Variants in CRACD observed in about 807,000 individuals in gnomAD.
CRACD encodes the protein capping protein inhibiting regulator of actin dynamics.
A neutral mutation model predicts 106.8 loss-of-function variants in CRACD; 56 were observed. The observed-to-expected ratio is 0.52, with a 90% CI of 0.42 to 0.66. The LOEUF is 0.66. CRACD is among the 30% of genes least tolerant of loss of function. CRACD has a pLI of 0.00. For synonymous variants in CRACD, 754 were observed against 670.8 expected (o/e 1.12, Z -1.92); for missense variants, 1,730 against 1,623.2 (o/e 1.07, Z -1.13).
At chr4:56,103,777 G>A (rs971077017) in intron 1 of CRACD, among the ~76,000 whole-genome samples, 1 of 152,118 alleles carries the variant, frequency 6.6e-6, no homozygotes, top group Non-Finnish European at 1.5e-5. Context: ...GCCACAATTC[G>A]TTGATGTTAT....
intron 1 of CRACD, among the ~76,000 whole-genome samples, chr4:56,124,171 C>T (rs1295057345): frequency 2.0e-5 from 3 of 151,982 alleles, no homozygotes; most frequent in African/African-American, 7.2e-5. Context: ...CTCCTGACCT[C>T]AGGTAATCCA....
chr4:56,099,331 A>C (rs1256883356), intron 1 of CRACD, among the ~76,000 whole-genome samples: 1 of 152,028 alleles, frequency 6.6e-6, no homozygotes, highest in Non-Finnish European at 1.5e-5. Context: ...TATTTTTTCA[A>C]ATGAAGTTGG....
At chr4:56,165,934 T>C (rs1313620610) in intron 1 of CRACD, among the ~76,000 whole-genome samples, 2 of 152,182 alleles carry the variant, frequency 1.3e-5, no homozygotes, top group Non-Finnish European at 2.9e-5. Context: ...AATTATAGCT[T>C]ACTGTAGCCT....
At chr4:56,100,041 G>A (rs1347707223) in intron 1 of CRACD, among the ~76,000 whole-genome samples, 3 of 152,182 alleles carry the variant, frequency 2.0e-5, no homozygotes, top group Non-Finnish European at 4.4e-5. Flanking sequence ...AGGAGTTTGA[G>A]ACCAGCCTGG....
At chr4:56,306,675 G>T (rs1160700288) in intron 4 of CRACD, among the ~76,000 whole-genome samples, 1 of 152,178 alleles carries the variant, frequency 6.6e-6, no homozygotes, top group Non-Finnish European at 1.5e-5. Context: ...GCAACTTCTG[G>T]AGACATTTTT....
chr4:56,139,490 G>T (rs886096642), intron 1 of CRACD, among the ~76,000 whole-genome samples: 2 of 152,208 alleles, frequency 1.3e-5, no homozygotes, highest in Admixed American at 6.5e-5. Flanking sequence ...CTTGCAACTG[G>T]CAAGCTTAGA....
chr4:56,082,014 A>G (rs754207825), intron 1 of CRACD, among the ~76,000 whole-genome samples: 4 of 152,160 alleles, frequency 2.6e-5, no homozygotes, highest in Non-Finnish European at 5.9e-5. Flanking sequence ...AGGTGCTTAC[A>G]TTCTTTTGGG....
At chr4:56,313,960 G>A in intron 7 of CRACD, 80 bp from the exon 8 acceptor site, 1 of 1,519,384 alleles carries the variant, frequency 6.6e-7, no homozygotes, top group Non-Finnish European at 8.8e-7. Context: ...TAAGAGGGTC[G>A]CTGGCACTGT....
At chr4:56,160,111 A>G (rs1735899231) in intron 1 of CRACD, among the ~76,000 whole-genome samples, 1 of 151,862 alleles carries the variant, frequency 6.6e-6, no homozygotes, top group African/African-American at 2.4e-5. Context: ...TTTTTTTTCT[A>G]AAACTTAATG....
At chr4:56,236,402 C>T (rs777882606) in intron 2 of CRACD, among the ~76,000 whole-genome samples, 1 of 152,206 alleles carries the variant, frequency 6.6e-6, no homozygotes, top group African/African-American at 2.4e-5. Context: ...GTTTAAGCCT[C>T]CCATGTTGTG....
intron 3 of CRACD, among the ~76,000 whole-genome samples, chr4:56,297,457 G>A (rs1744118150): frequency 1.3e-5 from 2 of 152,116 alleles, no homozygotes; most frequent in South Asian, 4.1e-4. Flanking sequence ...CTGGATGTGG[G>A]AGCAGATGTC....
chr4:56,133,191 CAA>C (rs1040621313), intron 1 of CRACD, among the ~76,000 whole-genome samples: 16 of 152,182 alleles, frequency 1.1e-4, no homozygotes, highest in Non-Finnish European at 1.5e-5. Flanking sequence ...TATTTTAAAA[CAA>C]GAGCAGTCAG....
intron 1 of CRACD, among the ~76,000 whole-genome samples, chr4:56,139,738 A>G (rs1164200475): frequency 6.6e-6 from 1 of 152,200 alleles, no homozygotes; most frequent in Non-Finnish European, 1.5e-5. Flanking sequence ...TGGGAGTACA[A>G]GGAATTTGAA....
intron 2 of CRACD, among the ~76,000 whole-genome samples, chr4:56,251,399 A>G (rs1266497741): frequency 6.6e-6 from 1 of 152,226 alleles, no homozygotes; most frequent in Non-Finnish European, 1.5e-5. Context: ...ATATCAGGTG[A>G]TGCGATTCAG....
chr4:56,166,657 C>CAG (rs1410604106), intron 1 of CRACD, among the ~76,000 whole-genome samples: 1 of 105,988 alleles, frequency 9.4e-6, no homozygotes, highest in Non-Finnish European at 1.7e-5. Flanking sequence ...CTGGGTGAGA[C>CAG]AGAGAGACAC....
chr4:56,316,349 C>T lies in CRACD; in HGVS notation c.2847C>T (p.Asp949=). ...ASSQTPAPEH[D]KAANKMPLAQ... ...GCCAGACCCCGGCTCCGGAGCACGACAAGGCAGCAAACAAAATGCCACTGG... is the reference window on the plus strand; with the variant it reads ...GCCAGACCCCGGCTCCGGAGCACGATAAGGCAGCAAACAAAATGCCACTGG... Residue 949 remains aspartate (D), a synonymous_variant, in exon 8 of 11, where the codon GAC becomes GAT. Coordinates refer to ENST00000682029, the MANE Select transcript of CRACD (RefSeq NM_001393381.1). 3 of 1,614,078 alleles carry T rather than the reference C, an allele frequency of 1.9e-6. No homozygotes were observed. The highest frequency in any genetic ancestry group is 2.5e-6 in the Non-Finnish European group (3 of 1,179,928).
intron 1 of CRACD, among the ~76,000 whole-genome samples, chr4:56,138,802 T>A (rs1397849083): frequency 2.0e-5 from 3 of 152,232 alleles, no homozygotes; most frequent in Non-Finnish European, 4.4e-5. Context: ...TCAAACCTTT[T>A]GACCTAGAAA....
intron 2 of CRACD, among the ~76,000 whole-genome samples, chr4:56,246,312 C>T (rs1216358747): frequency 2.0e-5 from 3 of 152,102 alleles, no homozygotes; most frequent in Admixed American, 6.6e-5. Context: ...TATATCTTCA[C>T]GTGGGGCCTT....
At position 56,315,661 on chromosome 4, in the gene CRACD, C is replaced by T. The variant is rs763920306; in HGVS notation, c.2159C>T (p.Ser720Phe). 3.7e-6 allele frequency: 6 copies of T among 1,614,226 alleles called. No individual in the cohort carries two copies. The highest frequency in any genetic ancestry group is 2.2e-5 in the East Asian group (1 of 44,866). ...ACTCCGCCAGTCAATGCAAAGTTCT[C>T]TATTATGCCTGCCTGGCAGAAATTT... ...RKTPPVNAKF[S>F]IMPAWQKFSD... The change falls in exon 8 of 11, where the codon TCT (serine) becomes TTT (phenylalanine). Residue 720 changes from serine to phenylalanine, a missense_variant. Physicochemically the swap from Ser to Phe is radical, Grantham distance 155 (BLOSUM62 -2). Around this residue, in one of 5 missense-constraint regions of CRACD, gnomAD observed 1,620 missense variants for 1,481.6 expected, o/e 1.09. Coordinates refer to ENST00000682029, the MANE Select transcript of CRACD (RefSeq NM_001393381.1). The surrounding 1 kb of genome is among the most constrained non-coding windows in gnomAD (Gnocchi z 4.1).
Sources: allele counts gnomAD v4.1 joint callset (sites outside exome capture counted in the v4.1 genomes callset), GRCh38; gene constraint gnomAD v4.1.1; regional missense constraint gnomAD v4.1.1; non-coding constraint Gnocchi (gnomAD v3.1); transcripts MANE v1.5; gene names NCBI Gene and HGNC (gene_info 2026-07-23, HGNC 2026-07-21).